Variants in MTHFD1 observed in about 807,000 individuals in gnomAD.
The protein encoded by MTHFD1 is C-1-tetrahydrofolate synthase, cytoplasmic.
In MTHFD1, 44 loss-of-function variants were observed where a neutral mutation model predicts 110.3. The observed-to-expected ratio is 0.40, with a 90% CI of 0.31 to 0.51. The LOEUF (loss-of-function observed/expected upper bound fraction) is 0.51, where lower values mean the gene tolerates loss of function less well. MTHFD1 is among the 20% of genes least tolerant of loss of function. The pLI is 0.60. For synonymous variants in MTHFD1, 402 were observed against 428.8 expected (o/e 0.94, Z 0.77); for missense variants, 909 against 1,173.1 (o/e 0.77, Z 3.29).
At chr14:64,440,415 A>G (rs1040065862) in intron 18 of MTHFD1, 149 bp downstream of exon 18, 13 of 971,124 alleles carry the variant, frequency 1.3e-5, no homozygotes, top group Non-Finnish European at 2.1e-5. Flanking sequence ...ATTACAAGAT[A>G]ATTATGAAAT....
intron 2 of MTHFD1, among the ~76,000 whole-genome samples, chr14:64,405,081 C>T (rs1220698695): frequency 2.0e-5 from 3 of 152,190 alleles, no homozygotes; most frequent in Non-Finnish European, 4.4e-5. Flanking sequence ...CTCTGCCTGG[C>T]ATGTTCTCTG....
chr14:64,458,242 G>T lies in MTHFD1; in HGVS notation c.2747G>T (p.Arg916Leu). The T allele has an allele frequency of 6.2e-7, 1 of 1,612,856 alleles. No individual in the cohort carries two copies. Among genetic ancestry groups the T allele is most frequent in the Non-Finnish European group, 8.5e-7 (1 of 1,179,342 alleles). Residue 916 changes from arginine to leucine, a missense_variant, in exon 27 of 28, where the codon CGG (arginine) becomes CTG (leucine). Coordinates refer to ENST00000652337, the MANE Select transcript of MTHFD1 (RefSeq NM_005956.4). Reference protein sequence around the residue: ...TMSTMPGLPTRPCFYDIDLDP... With the variant: ...TMSTMPGLPTLPCFYDIDLDP... Reference sequence around the variant, plus strand: ...AGCACAATGCCTGGACTCCCCACCCGGCCCTGTTTTTATGATATTGATTTG... The same window carrying T: ...AGCACAATGCCTGGACTCCCCACCCTGCCCTGTTTTTATGATATTGATTTG...
At chr14:64,400,322 AG>A (rs1345259940) in intron 1 of MTHFD1, among the ~76,000 whole-genome samples, 2 of 151,386 alleles carry the variant, frequency 1.3e-5, no homozygotes, top group Admixed American at 1.3e-4. Flanking sequence ...TGGGAGGTGG[AG>A]GTTGTGGTAA....
chr14:64,389,801 T>C (rs2077790400), intron 1 of MTHFD1, among the ~76,000 whole-genome samples: 1 of 152,264 alleles, frequency 6.6e-6, no homozygotes, highest in Non-Finnish European at 1.5e-5. Flanking sequence ...TTTCTGTTTT[T>C]GTTTGCTTGT....
At chr14:64,434,205 T>G (rs1460068274) in intron 15 of MTHFD1, among the ~76,000 whole-genome samples, 1 of 152,200 alleles carries the variant, frequency 6.6e-6, no homozygotes, top group Non-Finnish European at 1.5e-5. Flanking sequence ...ATCACTTTTG[T>G]CAGACCCAGA....
intron 24 of MTHFD1, 70 bp downstream of exon 24, chr14:64,449,692 CTT>C (rs2078339605): frequency 6.5e-7 from 1 of 1,532,976 alleles, no homozygotes; most frequent in African/African-American, 1.4e-5. Context: ...TGTGTGGCTA[CTT>C]CTATTAGAGC....
chr14:64,415,789 G>T (rs2078021434), intron 6 of MTHFD1, 50 bp downstream of exon 6: 1 of 1,570,820 alleles, frequency 6.4e-7, no homozygotes, highest in Admixed American at 1.7e-5. Flanking sequence ...CTGAATCCTG[G>T]TCTTGACATG....
At chr14:64,457,308 G>A (rs754679333) in intron 26 of MTHFD1, among the ~76,000 whole-genome samples, 2 of 152,164 alleles carry the variant, frequency 1.3e-5, no homozygotes, top group African/African-American at 2.4e-5. Flanking sequence ...CTGAGGAGGC[G>A]AGTGAGCAAC....
At position 64,417,895 on chromosome 14, in the gene MTHFD1, G is replaced by A. The variant is rs747448137; in HGVS notation, c.486G>A (p.Pro162=). Residue 162 remains proline (P), a synonymous_variant, in exon 7 of 28, where the codon CCG becomes CCA. Transcript: ENST00000652337. The surrounding 1 kb of genome is among the most constrained non-coding windows in gnomAD (Gnocchi z 4.4). Reference sequence around the variant, plus strand: ...GGCTGGCTTTTCTTTCAGGGGTGCCGATTGCCGGAAGGCATGCTGTGGTGG... The same window carrying A: ...GGCTGGCTTTTCTTTCAGGGGTGCCAATTGCCGGAAGGCATGCTGTGGTGG... ...CLELIKETGV[P]IAGRHAVVVG... 20 of 1,612,488 alleles carry A rather than the reference G, an allele frequency of 1.2e-5. No individual in the cohort carries two copies. The highest frequency in any genetic ancestry group is 2.0e-4 in the Middle Eastern group (1 of 4,924).
chr14:64,389,566 G>T (rs765114430), intron 1 of MTHFD1, among the ~76,000 whole-genome samples: 2 of 152,030 alleles, frequency 1.3e-5, no homozygotes, highest in Non-Finnish European at 2.9e-5. Context: ...AAAATTAGCC[G>T]AGTGTGGTGG....
rs202026193 is a variant in MTHFD1 at position 64,419,901 on chromosome 14, G to C, written c.703G>C (p.Asp235His). ...EWIKPGAIVI[D>H]CGINYVPDDK... The stretch of plus-strand genomic sequence containing the variant: ...GATCAAACCTGGGGCAATAGTCATC[G>C]ACTGTGGAATCAATTATGTCCCAGG... Residue 235 changes from aspartate to histidine, a missense_variant, in exon 8 of 28, where the codon GAC (aspartate) becomes CAC (histidine). Asp to His is a moderately conservative substitution (Grantham distance 81). Around this residue, in one of 3 missense-constraint regions of MTHFD1, gnomAD observed 424 missense variants for 510.4 expected, o/e 0.83. Transcript: ENST00000652337. 1 of 1,613,700 alleles carries C rather than the reference G, an allele frequency of 6.2e-7. No homozygotes were observed. The highest frequency in any genetic ancestry group is 8.5e-7 in the Non-Finnish European group (1 of 1,179,736).
intron 2 of MTHFD1, 137 bp downstream of exon 2, chr14:64,401,014 T>TC: frequency 1.4e-6 from 1 of 704,854 alleles, no homozygotes; most frequent in South Asian, 1.6e-5. Context: ...CTTGGCAGGC[T>TC]CCCCCCTTTG....
intron 24 of MTHFD1, among the ~76,000 whole-genome samples, chr14:64,452,814 A>G (rs973668496): frequency 2.6e-5 from 4 of 152,192 alleles, no homozygotes; most frequent in African/African-American, 9.7e-5. Flanking sequence ...CAGTGTCCCC[A>G]GGTCTGGTTT....
At chr14:64,425,628 C>A in intron 9 of MTHFD1, 102 bp from the exon 10 acceptor site, 1 of 938,476 alleles carries the variant, frequency 1.1e-6, no homozygotes, top group Non-Finnish European at 1.8e-6. Flanking sequence ...GGGTCTGAAG[C>A]AGTTCATTTT....
In MTHFD1 at chr14:64,442,408, T is replaced by C. The variant is rs745799561; in HGVS notation, c.2136+6T>C. On this transcript the variant is annotated splice_donor_region_variant and intron_variant, in intron 21 of 27. Transcript: ENST00000652337. ...TGCACGGGGGCGGCCCCACGGTGAG[T>C]GGTGGGTTGAAGTATCTGATTATCG... 1 of 1,613,730 alleles carries C rather than the reference T, an allele frequency of 6.2e-7. No individual in the cohort carries two copies. The highest frequency in any genetic ancestry group is 8.5e-7 in the Non-Finnish European group (1 of 1,179,950).
chr14:64,431,910 C>T (rs778336137), intron 15 of MTHFD1, 49 bp downstream of exon 15: 34 of 1,508,746 alleles, frequency 2.3e-5, no homozygotes, highest in Non-Finnish European at 3.0e-5. Context: ...AATCTGGAAT[C>T]TGATCATTGA....
rs368039115 is a variant in MTHFD1, at chr14:64,411,209, A to G, written c.186+60A>G. On this transcript the variant is annotated intron_variant, in intron 3 of 27. Transcript: ENST00000652337. ...AACCTCCACCTGGGTCCTATCGATT[A>G]CCCCTTGCCCTTTTTGGTCCTCCCT... 3.7e-5 allele frequency: 48 copies of G among 1,312,500 alleles called. No homozygotes were observed. The African/African-American group carries it at 6.4e-4, about 17-fold the overall frequency. 81.3% of individuals were successfully genotyped at this position (1,312,500 alleles called of 1,614,324 possible). A position where few individuals can be genotyped will look rare whatever the true frequency, so the allele number is the denominator to read the frequency against.
intron 4 of MTHFD1, 102 bp downstream of exon 4, chr14:64,412,627 T>A: frequency 1.5e-6 from 1 of 681,104 alleles, no homozygotes; most frequent in Non-Finnish European, 2.5e-6. Flanking sequence ...AGCCAAGACC[T>A]CCAGGTATTT....
At chr14:64,429,886 A>G (rs1288057797) in intron 12 of MTHFD1, among the ~76,000 whole-genome samples, 9 of 152,230 alleles carry the variant, frequency 5.9e-5, no homozygotes, top group Non-Finnish European at 1.5e-5. Context: ...AGGAAATTGA[A>G]CAGGTTGCCT....
Sources: gnomAD v4.1 joint callset for allele counts (sites outside exome capture counted in the v4.1 genomes callset) on GRCh38, gnomAD v4.1.1 for gene constraint, gnomAD v4.1.1 regional missense constraint, Gnocchi (gnomAD v3.1) non-coding constraint, MANE v1.5 for transcripts, NCBI Gene and HGNC (gene_info 2026-07-23, HGNC 2026-07-21) for gene names.